The following GPC5 variants were observed in gnomAD, a reference collection of about 807,000 sequenced individuals.
GPC5 encodes glypican-5.
Under a neutral mutation model 53.9 loss-of-function variants are expected in GPC5, and 47 were observed. That is an observed-to-expected ratio of 0.87 (90% CI 0.69 to 1.11). The LOEUF is 1.11. Among genes scored for constraint, GPC5 ranks in the 50% most tolerant of loss-of-function variants. The probability of loss-of-function intolerance (pLI) is 0.00; values close to 1 mark genes in which losing one functional copy is unlikely to be tolerated. For synonymous variants in GPC5, 286 were observed against 263.3 expected (o/e 1.09, Z -0.84); for missense variants, 748 against 713.1 (o/e 1.05, Z -0.56).
At chr13:91,432,205 GTGT>G (rs1422891827) in intron 1 of GPC5, among the ~76,000 whole-genome samples, 4,147 of 119,182 alleles carry the variant, frequency 0.035, 61 homozygotes, top group Non-Finnish European at 0.05. Flanking sequence ...TGCTGCTGCT[GTGT>G]GTGTGTGTGT....
intron 3 of GPC5, among the ~76,000 whole-genome samples, chr13:91,708,126 G>T (rs943232555): frequency 1.3e-5 from 2 of 152,118 alleles, no homozygotes; most frequent in African/African-American, 2.4e-5. Context: ...CCTCACAGAA[G>T]GTGTGTGAGG....
rs150196500 is a variant in GPC5 at position 91,774,329 on chromosome 13, A to G, written c.1280+17909A>G. On this transcript the variant is annotated intron_variant, in intron 5 of 7. Coordinates refer to ENST00000377067, the MANE Select transcript of GPC5 (RefSeq NM_004466.6). ...TAAGCTGCTTCAAAAGAAATTCCCT[A>G]CTGAAGAATTTCTATGTGATTTTAG... Among the ~76,000 whole-genome samples, 240 of 152,294 alleles carry G rather than the reference A, an allele frequency of 1.6e-3. 3 individuals carry two copies. The highest frequency in any genetic ancestry group is 0.015 in the Admixed American group (228 of 15,300).
chr13:92,190,681 A>C (rs949172658), intron 7 of GPC5, among the ~76,000 whole-genome samples: 1 of 152,108 alleles, frequency 6.6e-6, no homozygotes, highest in Non-Finnish European at 1.5e-5. Flanking sequence ...GTATATTGCA[A>C]ACTCTATGAA....
chr13:91,540,009 T>C (rs1219105273), intron 2 of GPC5, among the ~76,000 whole-genome samples: 3 of 152,192 alleles, frequency 2.0e-5, no homozygotes, highest in Non-Finnish European at 4.4e-5. Flanking sequence ...ATAGAGGCAC[T>C]AATAAAGCAA....
intron 6 of GPC5, among the ~76,000 whole-genome samples, chr13:92,016,727 C>CTT (rs5805722): frequency 3.5e-5 from 5 of 143,626 alleles, no homozygotes; most frequent in Admixed American, 2.1e-4. Context: ...TTCTTTTCTT[C>CTT]TTTTTTTTTT....
chr13:92,458,376 G>A (rs1464105206), intron 7 of GPC5, among the ~76,000 whole-genome samples: 1 of 151,974 alleles, frequency 6.6e-6, no homozygotes, highest in Admixed American at 6.6e-5. Flanking sequence ...TTGACTCACT[G>A]CAACCTCCAC....
chr13:92,288,450 G>C (rs1168894017), intron 7 of GPC5, among the ~76,000 whole-genome samples: 1 of 152,102 alleles, frequency 6.6e-6, no homozygotes, highest in African/African-American at 2.4e-5. Context: ...TCAGTTACTT[G>C]TCCAAACTGT....
intron 7 of GPC5, among the ~76,000 whole-genome samples, chr13:92,166,394 C>A (rs2042027962): frequency 6.6e-6 from 1 of 152,146 alleles, no homozygotes; most frequent in South Asian, 2.1e-4. Context: ...AAATCCATTT[C>A]ATTTCTCAAA....
At chr13:92,043,812 A>G (rs2040960396) in intron 6 of GPC5, among the ~76,000 whole-genome samples, 1 of 152,204 alleles carries the variant, frequency 6.6e-6, no homozygotes, top group South Asian at 2.1e-4. Context: ...GGTAGGAGTG[A>G]ATCAGGAACC....
chr13:92,310,692 C>A (rs2043139704), intron 7 of GPC5, among the ~76,000 whole-genome samples: 1 of 152,150 alleles, frequency 6.6e-6, no homozygotes, highest in African/African-American at 2.4e-5. Flanking sequence ...TATTTTCTCT[C>A]ATTTTCTATT....
intron 7 of GPC5, among the ~76,000 whole-genome samples, chr13:92,253,005 G>A (rs571038527): frequency 4.6e-5 from 7 of 152,234 alleles, no homozygotes; most frequent in African/African-American, 1.7e-4. Flanking sequence ...ATGGCAGAAA[G>A]TGGAAATGCT....
At chr13:91,930,949 T>C (rs2039816029) in intron 6 of GPC5, among the ~76,000 whole-genome samples, 1 of 152,086 alleles carries the variant, frequency 6.6e-6, no homozygotes, top group African/African-American at 2.4e-5. Context: ...GTATAAACCA[T>C]GATTCAGAAA....
At chr13:91,918,374 C>A (rs2139012789) in intron 6 of GPC5, among the ~76,000 whole-genome samples, 1 of 152,270 alleles carries the variant, frequency 6.6e-6, no homozygotes, top group African/African-American at 2.4e-5. Flanking sequence ...ATGAGAACAT[C>A]AGTTTTCATT....
At chr13:92,099,859 C>A (rs1202622502) in intron 6 of GPC5, among the ~76,000 whole-genome samples, 1 of 152,116 alleles carries the variant, frequency 6.6e-6, no homozygotes, top group African/African-American at 2.4e-5. Context: ...ATTAAGATCC[C>A]AATTCAGCTT....
intron 7 of GPC5, among the ~76,000 whole-genome samples, chr13:92,521,431 A>G (rs1881042213): frequency 6.6e-6 from 1 of 152,206 alleles, no homozygotes; most frequent in Non-Finnish European, 1.5e-5. Context: ...AAACAGAGAC[A>G]TAGACCAATG....
At chr13:92,317,618 T>G (rs955691596) in intron 7 of GPC5, among the ~76,000 whole-genome samples, 4 of 152,012 alleles carry the variant, frequency 2.6e-5, no homozygotes, top group Non-Finnish European at 5.9e-5. Context: ...CTCAGCCTCC[T>G]GAGAAGCTGG....
At chr13:92,489,765 AGTT>A (rs1322594883) in intron 7 of GPC5, among the ~76,000 whole-genome samples, 1 of 152,116 alleles carries the variant, frequency 6.6e-6, no homozygotes, top group Non-Finnish European at 1.5e-5. Context: ...TATCTACAGT[AGTT>A]GGAGGTACAG....
At chr13:92,018,505 A>T (rs530436313) in intron 6 of GPC5, among the ~76,000 whole-genome samples, 17 of 152,234 alleles carry the variant, frequency 1.1e-4, no homozygotes, top group Admixed American at 1.0e-3. Flanking sequence ...ATGGTACTTA[A>T]AAAAAGAAAA....
chr13:92,550,168 T>C (rs1185181085), intron 7 of GPC5, among the ~76,000 whole-genome samples: 1 of 151,930 alleles, frequency 6.6e-6, no homozygotes, highest in Non-Finnish European at 1.5e-5. Flanking sequence ...TAGATGTATA[T>C]TTATGTATTA....
Sources: gnomAD v4.1 joint callset for allele counts (sites outside exome capture counted in the v4.1 genomes callset) on GRCh38, gnomAD v4.1.1 for gene constraint, MANE v1.5 for transcripts, NCBI Gene and HGNC (gene_info 2026-07-23, HGNC 2026-07-21) for gene names.